The following SIK3 variants were observed in gnomAD, a reference collection of about 807,000 sequenced individuals.
SIK3 encodes the protein SIK family kinase 3.
SIK3 carries 28 observed loss-of-function variants against 144.2 expected under a neutral mutation model. The ratio of observed to expected loss-of-function variants is 0.19; its 90% confidence interval spans 0.14 to 0.27. The LOEUF is 0.27. SIK3 is among the 10% of genes least tolerant of loss of function. SIK3 has a pLI of 1.00. For synonymous variants in SIK3, 686 were observed against 676.3 expected (o/e 1.01, Z -0.22); for missense variants, 1,319 against 1,776.0 (o/e 0.74, Z 4.62).
At position 116,927,335 on chromosome 11, in the gene SIK3, C is replaced by T. The variant is rs369124898; in HGVS notation, c.500G>A (p.Arg167Gln). Residue 167 changes from arginine to glutamine, a missense_variant, in exon 4 of 25, where the codon CGG (arginine) becomes CAG (glutamine). Physicochemically the swap from Arg to Gln is conservative, Grantham distance 43. This residue lies in a region of SIK3 where 125 missense variants were observed against 285.2 expected (regional missense o/e 0.44). Coordinates refer to ENST00000445177, the MANE Select transcript of SIK3 (RefSeq NM_001366686.3). ...HGRMAEKEAR[R>Q]KFKQIVTAVY... is the part of the protein sequence containing the mutation. ...AGCTGTGACGATCTGTTTGAACTTC[C>T]GACGTGCCTCCTTTTCTGCCATTCT... The T allele has an allele frequency of 3.1e-6, 5 of 1,613,816 alleles. No homozygotes were observed. Among genetic ancestry groups the T allele is most frequent in the South Asian group, 2.2e-5 (2 of 91,060 alleles).
chr11:116,870,242 T>C lies in SIK3; in HGVS notation c.1808+89A>G, dbSNP rs531890295. The C allele has an allele frequency of 2.5e-6, 4 of 1,583,320 alleles. No homozygotes were observed. The African/African-American group carries it at 4.0e-5, about 16-fold the overall frequency. ...CCACACAAATGTTGAAGCTGCACTC[T>C]ACCACCTCCTTGGGCAGAGGTGACC... On this transcript the variant is annotated intron_variant, in intron 14 of 24. Transcript: ENST00000445177.
chr11:117,009,735 T>C (rs976305476), intron 1 of SIK3, among the ~76,000 whole-genome samples: 1 of 152,162 alleles, frequency 6.6e-6, no homozygotes, highest in African/African-American at 2.4e-5. Flanking sequence ...CTTTAAGAGA[T>C]TCCCTACTTA....
chr11:117,083,618 G>C (rs940705780), intron 1 of SIK3, among the ~76,000 whole-genome samples: 3 of 152,218 alleles, frequency 2.0e-5, no homozygotes, highest in Non-Finnish European at 4.4e-5. Context: ...TTGTCGGAAT[G>C]CTGCTTATGC....
At chr11:117,096,141 T>C (rs1363984655) in intron 1 of SIK3, among the ~76,000 whole-genome samples, 2 of 152,234 alleles carry the variant, frequency 1.3e-5, no homozygotes, top group African/African-American at 4.8e-5. Flanking sequence ...TGCTGACTAC[T>C]GAAGATAGAA....
intron 1 of SIK3, among the ~76,000 whole-genome samples, chr11:117,091,877 G>A (rs1955262869): frequency 1.3e-5 from 2 of 152,072 alleles, no homozygotes; most frequent in Non-Finnish European, 1.5e-5. Flanking sequence ...CAGACTCCCA[G>A]GATCAAGTGA....
intron 4 of SIK3, among the ~76,000 whole-genome samples, chr11:116,900,380 G>C (rs564813317): frequency 6.6e-6 from 1 of 152,060 alleles, no homozygotes; most frequent in East Asian, 1.9e-4. Context: ...ATCATCCCTA[G>C]CTTGACTGAT....
At chr11:117,084,384 A>G (rs1389448788) in intron 1 of SIK3, among the ~76,000 whole-genome samples, 2 of 151,708 alleles carry the variant, frequency 1.3e-5, no homozygotes, top group African/African-American at 2.4e-5. Flanking sequence ...CCTGCCTCAG[A>G]CCTCTCGAGT....
At chr11:117,056,150 A>T (rs1290787034) in intron 1 of SIK3, among the ~76,000 whole-genome samples, 1 of 152,214 alleles carries the variant, frequency 6.6e-6, no homozygotes, top group Non-Finnish European at 1.5e-5. Context: ...AAGTCCCTGG[A>T]TTAAGAAAAT....
At position 116,873,652 on chromosome 11, in the gene SIK3, T is replaced by A; in HGVS notation, c.1582-16A>T. On this transcript the variant is annotated splice_polypyrimidine_tract_variant and intron_variant, in intron 12 of 24. Coordinates refer to ENST00000445177, the MANE Select transcript of SIK3 (RefSeq NM_001366686.3). The stretch of plus-strand genomic sequence containing the variant: ...GAGACTGCTCCTGCCAGGAACAGAG[T>A]GGGGAGGACGGACCATGAGATGAGG... 1 of 1,529,604 alleles carries A rather than the reference T, an allele frequency of 6.5e-7. No homozygotes were observed. The highest frequency in any genetic ancestry group is 8.7e-7 in the Non-Finnish European group (1 of 1,143,196). 94.8% of individuals were successfully genotyped at this position (1,529,604 alleles called of 1,614,324 possible).
intron 3 of SIK3, among the ~76,000 whole-genome samples, chr11:116,943,210 A>C (rs1439905202): frequency 6.6e-6 from 1 of 152,130 alleles, no homozygotes; most frequent in African/African-American, 2.4e-5. Flanking sequence ...AAAAAGTGCT[A>C]TAGGAGAGGT....
chr11:117,000,021 C>T (rs1024377037), intron 1 of SIK3, among the ~76,000 whole-genome samples: 2 of 152,030 alleles, frequency 1.3e-5, no homozygotes, highest in African/African-American at 2.4e-5. Flanking sequence ...GTTATAATTG[C>T]CATTTGTTTG....
rs760082499 is a variant in SIK3, at chr11:116,859,575, A to C, written c.2455T>G (p.Leu819Val). Reference protein sequence around the residue: ...GAASSSQFQGLPSRSAIFQQQ... With the variant: ...GAASSSQFQGVPSRSAIFQQQ... ...TGAAAGATTGCACTGCGGGAAGGTA[A>C]GCCTTGAAACTGGGAAGAAGATGCA... The change falls in exon 20 of 25, where the codon TTA becomes GTA. Residue 819 changes from leucine (L) to valine (V), a missense_variant. Transcript: ENST00000445177. The C allele has an allele frequency of 4.3e-6, 7 of 1,614,108 alleles. No homozygotes were observed. Among genetic ancestry groups the C allele is most frequent in the Non-Finnish European group, 5.9e-6 (7 of 1,179,966 alleles).
intron 3 of SIK3, among the ~76,000 whole-genome samples, chr11:116,932,865 C>T (rs1947693930): frequency 6.6e-6 from 1 of 152,092 alleles, no homozygotes; most frequent in African/African-American, 2.4e-5. Flanking sequence ...GGCAAGATCA[C>T]GGCTCACTGC....
At chr11:116,940,496 G>T (rs1948230035) in intron 3 of SIK3, among the ~76,000 whole-genome samples, 1 of 152,082 alleles carries the variant, frequency 6.6e-6, no homozygotes, top group Non-Finnish European at 1.5e-5. Context: ...CTCCCAAAGT[G>T]CTGGGATTAC....
intron 3 of SIK3, among the ~76,000 whole-genome samples, chr11:116,937,474 AATACCTAACT>A (rs1393410677): frequency 6.6e-6 from 1 of 152,230 alleles, no homozygotes; most frequent in African/African-American, 2.4e-5. Flanking sequence ...TACGGTACAT[AATACCTAACT>A]ATACATAAAG....
At chr11:116,900,884 G>A (rs71480323) in intron 4 of SIK3, among the ~76,000 whole-genome samples, 12,573 of 147,350 alleles carry the variant, frequency 0.085, 726 homozygotes, top group Middle Eastern at 0.16. Context: ...TTTTTTTTGA[G>A]ACAGAGTTTC....
chr11:116,851,857 G>A (rs1453923871), intron 21 of SIK3, among the ~76,000 whole-genome samples: 1 of 152,240 alleles, frequency 6.6e-6, no homozygotes, highest in Non-Finnish European at 1.5e-5. Flanking sequence ...GTGTGGGAGT[G>A]AGGAAATGGT....
chr11:117,097,727 C>G (rs932622643), intron 1 of SIK3, among the ~76,000 whole-genome samples: 1 of 152,088 alleles, frequency 6.6e-6, no homozygotes, highest in Non-Finnish European at 1.5e-5. Context: ...CCTTGTTTTT[C>G]CCCATCCTCC....
intron 1 of SIK3, among the ~76,000 whole-genome samples, chr11:117,009,431 G>A (rs1243525502): frequency 6.6e-6 from 1 of 151,636 alleles, no homozygotes; most frequent in Non-Finnish European, 1.5e-5. Context: ...ATGGTGGCAC[G>A]CACCTGTGCT....
Sources: allele counts gnomAD v4.1 joint callset (sites outside exome capture counted in the v4.1 genomes callset), GRCh38; gene constraint gnomAD v4.1.1; regional missense constraint gnomAD v4.1.1; transcripts MANE v1.5; gene names NCBI Gene and HGNC (gene_info 2026-07-23, HGNC 2026-07-21).